The following PDE4D variants were observed in gnomAD, a reference collection of about 807,000 sequenced individuals.
PDE4D encodes the protein phosphodiesterase 4D.
Under a neutral mutation model 87.4 loss-of-function variants are expected in PDE4D, and 24 were observed. The observed-to-expected ratio is 0.27, with a 90% CI of 0.20 to 0.39. The LOEUF (loss-of-function observed/expected upper bound fraction) is 0.39. Ranked by LOEUF, PDE4D falls within the 10% of genes least tolerant of loss-of-function variation. The pLI, the probability that PDE4D is intolerant of heterozygous loss-of-function variation, is 1.00. For synonymous variants in PDE4D, 384 were observed against 383.2 expected, an observed-to-expected ratio of 1.00 and a Z score of -0.02; for missense variants, 714 against 1,041.0, an observed-to-expected ratio of 0.69 and a Z score of 4.32.
intron 1 of PDE4D, among the ~76,000 whole-genome samples, chr5:60,518,270 C>T (rs1322554917): frequency 6.6e-6 from 1 of 152,262 alleles, no homozygotes; most frequent in Admixed American, 6.5e-5. Context: ...GAGCCCAGCA[C>T]AGCCTGCCCA....
At chr5:60,381,682 CAAGT>C (rs1761871741) in intron 1 of PDE4D, among the ~76,000 whole-genome samples, 6 of 152,202 alleles carry the variant, frequency 3.9e-5, no homozygotes, top group Middle Eastern at 6.8e-3. Flanking sequence ...GCCGAGGAAG[CAAGT>C]GGAGGATGGA....
chr5:60,503,661 C>T lies in PDE4D; in HGVS notation n.70+18390G>A, dbSNP rs577537512. ...GGCATTATTAAATGCCTTTTACACG[C>T]TCACTATTGTATCTACAACTTGTTT... On this transcript the variant is annotated intron_variant and non_coding_transcript_variant, in intron 1 of 2. Transcript: ENST00000506510. Among the ~76,000 whole-genome samples, 21 of 152,256 alleles carry T rather than the reference C, an allele frequency of 1.4e-4. No homozygotes were observed. The South Asian group carries it at 3.1e-3, about 23-fold the overall frequency.
chr5:59,746,849 G>A (rs1383513768), intron 1 of PDE4D, among the ~76,000 whole-genome samples: 2 of 151,672 alleles, frequency 1.3e-5, no homozygotes, highest in South Asian at 4.2e-4. Flanking sequence ...TGAAGTAGGA[G>A]TCTTTCTCAT....
chr5:59,888,539 A>C (rs1158657281), intron 1 of PDE4D, among the ~76,000 whole-genome samples: 1 of 152,214 alleles, frequency 6.6e-6, no homozygotes, highest in East Asian at 1.9e-4. Flanking sequence ...GAAATGTAAA[A>C]AATATACATT....
chr5:60,138,789 T>C (rs1183495061), intron 2 of PDE4D, among the ~76,000 whole-genome samples: 2 of 152,088 alleles, frequency 1.3e-5, no homozygotes, highest in Admixed American at 6.6e-5. Context: ...ATGGTAAATA[T>C]ATATACTGAT....
At chr5:59,080,602 G>C (rs913925776) in intron 5 of PDE4D, among the ~76,000 whole-genome samples, 3 of 152,100 alleles carry the variant, frequency 2.0e-5, no homozygotes, top group African/African-American at 4.8e-5. Flanking sequence ...AGCTGAAAAG[G>C]GTGGCTTTCT....
chr5:60,352,053 C>A lies in PDE4D; in HGVS notation c.-90+135889G>T, dbSNP rs140319351. ...CTCCTGGCCTCAAGTCAACCCTCCG[C>A]TTTGGCCTTCCAAAGTGCTGGGATT... On this transcript the variant is annotated intron_variant, in intron 1 of 16. Transcript: ENST00000502484. 1.3e-3 allele frequency among the ~76,000 whole-genome samples: 194 copies of A among 151,920 alleles called. 1 individual carries two copies. In the East Asian group the frequency reaches 0.032, roughly 25 times the overall value.
intron 1 of PDE4D, among the ~76,000 whole-genome samples, chr5:60,243,341 T>A (rs1747348300): frequency 6.6e-6 from 1 of 151,856 alleles, no homozygotes; most frequent in African/African-American, 2.4e-5. Context: ...AATCTCGCAG[T>A]AAAGAAAGGC....
intron 1 of PDE4D, among the ~76,000 whole-genome samples, chr5:59,666,944 G>A (rs1746170921): frequency 6.6e-6 from 1 of 152,094 alleles, no homozygotes; most frequent in African/African-American, 2.4e-5. Context: ...CTGATTACAG[G>A]CACTAGGCTT....
intron 1 of PDE4D, among the ~76,000 whole-genome samples, chr5:59,860,816 T>C (rs1581465699): frequency 6.6e-6 from 1 of 152,174 alleles, no homozygotes; most frequent in South Asian, 2.1e-4. Flanking sequence ...TTCTGATAAA[T>C]GCTAACATAA....
intron 1 of PDE4D, among the ~76,000 whole-genome samples, chr5:60,389,746 T>C (rs12189147): frequency 0.4 from 60,350 of 151,902 alleles, 14,475 homozygotes; most frequent in African/African-American, 0.66. Flanking sequence ...GGCTGGGTTC[T>C]GGGAGCAAGC....
At chr5:59,436,382 A>G (rs1796804240) in intron 1 of PDE4D, among the ~76,000 whole-genome samples, 1 of 152,230 alleles carries the variant, frequency 6.6e-6, no homozygotes, top group Admixed American at 6.5e-5. Context: ...AATGATATTG[A>G]AAAACTTCCT....
At chr5:59,809,712 G>T (rs942828595) in intron 1 of PDE4D, among the ~76,000 whole-genome samples, 1 of 152,114 alleles carries the variant, frequency 6.6e-6, no homozygotes, top group Non-Finnish European at 1.5e-5. Context: ...TTAATCTATT[G>T]ATGAAAACTG....
intron 3 of PDE4D, among the ~76,000 whole-genome samples, chr5:59,963,400 A>G (rs1429710846): frequency 6.6e-6 from 1 of 152,072 alleles, no homozygotes; most frequent in Non-Finnish European, 1.5e-5. Flanking sequence ...AACCACTGTC[A>G]CCTAACATCT....
chr5:59,230,336 C>T (rs1754884906), intron 1 of PDE4D, among the ~76,000 whole-genome samples: 1 of 152,090 alleles, frequency 6.6e-6, no homozygotes, highest in African/African-American at 2.4e-5. Context: ...ATTGAACTCA[C>T]TTTGAAGAGG....
chr5:58,978,944 CAT>C (rs1033042805), intron 11 of PDE4D, among the ~76,000 whole-genome samples: 2 of 151,926 alleles, frequency 1.3e-5, no homozygotes, highest in African/African-American at 2.4e-5. Context: ...AATAAACAAA[CAT>C]ATATTGAAAG....
At chr5:59,854,047 T>C (rs182473983) in intron 1 of PDE4D, among the ~76,000 whole-genome samples, 1 of 152,188 alleles carries the variant, frequency 6.6e-6, no homozygotes, top group Admixed American at 6.6e-5. Context: ...AGTATAATTA[T>C]TGGGTGAAAA....
In PDE4D at chr5:59,601,781, C is replaced by T. The variant is rs185158546; in HGVS notation, c.455+291387G>A. 3.5e-4 allele frequency among the ~76,000 whole-genome samples: 53 copies of T among 152,218 alleles called. No homozygotes were observed. In the East Asian group the frequency reaches 0.01, roughly 29 times the overall value. ...CCCAATTTCAGCTCTTTCTCCATTA[C>T]ATCTCCTCAGAGCCCCAAGTGTAAA... On this transcript the variant is annotated intron_variant, in intron 1 of 14. Coordinates refer to ENST00000340635, the MANE Select transcript of PDE4D (RefSeq NM_001104631.2).
intron 1 of PDE4D, among the ~76,000 whole-genome samples, chr5:59,813,939 G>A (rs1768675061): frequency 1.3e-5 from 2 of 152,134 alleles, no homozygotes; most frequent in African/African-American, 4.8e-5. Context: ...TCTGAAACAT[G>A]ACAGAATGGA....
Sources: allele counts gnomAD v4.1 joint callset (sites outside exome capture counted in the v4.1 genomes callset), GRCh38; gene constraint gnomAD v4.1.1; transcripts MANE v1.5; gene names NCBI Gene and HGNC (gene_info 2026-07-23, HGNC 2026-07-21).